TRNAU1AP: variants seen among roughly 807,000 people sequenced by gnomAD.
TRNAU1AP encodes the protein tRNA selenocysteine 1 associated protein 1, also known as tRNA selenocysteine 1-associated protein 1.
Under a neutral mutation model 43.3 loss-of-function variants are expected in TRNAU1AP, and 33 were observed. The observed-to-expected ratio is 0.76, with a 90% CI of 0.58 to 1.02. The LOEUF (loss-of-function observed/expected upper bound fraction) is 1.02. Ranked by LOEUF, TRNAU1AP falls within the 50% of genes least tolerant of loss-of-function variation. The pLI is 0.00. For missense variants in TRNAU1AP, 290 were observed against 362.7 expected (o/e 0.80, Z 1.63); for synonymous variants, 143 against 129.1 (o/e 1.11, Z -0.73).
chr1:28,572,870 G>A (rs1570258458), intron 8 of TRNAU1AP, among the ~76,000 whole-genome samples: 2 of 151,676 alleles, frequency 1.3e-5, no homozygotes, highest in Non-Finnish European at 2.9e-5. Context: ...GGGAGGCAGA[G>A]CTTGCAGTGA....
intron 7 of TRNAU1AP, 81 bp from the exon 8 acceptor site, chr1:28,571,786 A>AAAAAAAAAAAATAAAAATAAAAT: frequency 9.9e-7 from 1 of 1,008,582 alleles, no homozygotes; most frequent in South Asian, 1.3e-5. Flanking sequence ...CCACCTCAAA[A>AAAAAAAAAAAATAAAAATAAAAT]AAAATAAAAA....
chr1:28,569,984 G>A (rs1244781709), intron 6 of TRNAU1AP, among the ~76,000 whole-genome samples: 2 of 151,680 alleles, frequency 1.3e-5, no homozygotes, highest in Non-Finnish European at 2.9e-5. Flanking sequence ...CTGGGCGACA[G>A]AGCAAGACTC....
At chr1:28,568,517 T>G (rs1665589720) in intron 6 of TRNAU1AP, among the ~76,000 whole-genome samples, 1 of 152,204 alleles carries the variant, frequency 6.6e-6, no homozygotes, top group Admixed American at 6.6e-5. Context: ...TCAAGCAATC[T>G]GCCCACCTTG....
chr1:28,565,795 A>AAAAAAAG (rs58549501), intron 5 of TRNAU1AP: 44,265 of 150,626 alleles, frequency 0.29, 6,817 homozygotes, highest in Middle Eastern at 0.36. Context: ...TCAAATAAAA[A>AAAAAAAG]AAAAAAGAAA....
intron 2 of TRNAU1AP, among the ~76,000 whole-genome samples, chr1:28,554,977 G>T (rs2124183854): frequency 6.6e-6 from 1 of 152,184 alleles, no homozygotes; most frequent in South Asian, 2.1e-4. Context: ...GGTGCCTCAT[G>T]CCTGTAATCC....
At chr1:28,561,433 T>TGTGTCACTGTGC in intron 4 of TRNAU1AP, 35 bp downstream of exon 4, 1 of 1,612,544 alleles carries the variant, frequency 6.2e-7, no homozygotes, top group East Asian at 2.2e-5. Context: ...AGACATAAGA[T>TGTGTCACTGTGC]GTGTCACTGT....
intron 4 of TRNAU1AP, among the ~76,000 whole-genome samples, chr1:28,561,933 G>A (rs548467385): frequency 5.9e-5 from 9 of 152,288 alleles, no homozygotes; most frequent in East Asian, 3.9e-4. Flanking sequence ...TTAGCCGGGC[G>A]TGGTGGCAGG....
intron 6 of TRNAU1AP, among the ~76,000 whole-genome samples, chr1:28,570,365 A>ATT (rs1470339163): frequency 1.3e-5 from 2 of 151,884 alleles, no homozygotes; most frequent in African/African-American, 4.8e-5. Flanking sequence ...CTCCTGCCTC[A>ATT]GCTTCACAAG....
At position 28,560,793 on chromosome 1, in the gene TRNAU1AP, A is replaced by G. The variant is rs1665388842; in HGVS notation, c.225+61A>G. On this transcript the variant is annotated intron_variant, in intron 3 of 8. Coordinates refer to ENST00000373830, the MANE Select transcript of TRNAU1AP (RefSeq NM_017846.5). ...TTATTGTCATTGCTTACTACCATCT[A>G]TTGAATCCCTACTGTATACTTATTT... 3.0e-6 allele frequency: 4 copies of G among 1,334,814 alleles called. No homozygotes were observed. In the South Asian group the frequency reaches 3.6e-5, roughly 12 times the overall value. The allele number at this position is 1,334,814 out of a possible 1,614,324, so 82.7% of individuals were successfully genotyped here.
Position 28,553,157 on chromosome 1 carries a change from C to A in TRNAU1AP, c.27+20C>A. On this transcript the variant is annotated intron_variant, in intron 1 of 8. Coordinates refer to ENST00000373830, the MANE Select transcript of TRNAU1AP (RefSeq NM_017846.5). ...GGCGACGTGAGTGAGGGCAGCCGTC[C>A]GGGGTCTGAAGACAAGGAAGCATCT... The A allele has an allele frequency of 6.7e-7, 1 of 1,503,706 alleles. No homozygotes were observed. 93.1% of individuals were successfully genotyped at this position (1,503,706 alleles called of 1,614,324 possible).
chr1:28,561,037 C>G, intron 3 of TRNAU1AP: 1 of 1,345,410 alleles, frequency 7.4e-7, no homozygotes, highest in Non-Finnish European at 9.6e-7. Flanking sequence ...AGACCTCTTG[C>G]CTGATTGGGA....
At position 28,570,566 on chromosome 1, in the gene TRNAU1AP, T is replaced by G. The variant is rs2124211240; in HGVS notation, c.531-610T>G. On this transcript the variant is annotated intron_variant, in intron 6 of 8. Transcript: ENST00000373830. ...CCCAGCCCTTTTTTGTTTTGTTTTT[T>G]TTTTTAAACAGGATATCCTTTTGCC... Among the ~76,000 whole-genome samples the G allele has an allele frequency of 1.3e-5, 2 of 151,896 alleles. 1 individual carries two copies. Among genetic ancestry groups the G allele is most frequent in the Middle Eastern group, 6.8e-3 (2 of 294 alleles).
Position 28,563,189 on chromosome 1 carries a change from T to A in TRNAU1AP, c.279-1514T>A, listed in dbSNP as rs1665453488. 2.0e-5 allele frequency among the ~76,000 whole-genome samples: 3 copies of A among 151,600 alleles called. No individual in the cohort carries two copies. The South Asian group carries it at 6.3e-4, about 32-fold the overall frequency. On this transcript the variant is annotated intron_variant, in intron 4 of 8. Transcript: ENST00000373830. ...GATTACAGGCATGAGCCACTGCGCC[T>A]GGCCTTGTGTATTCTTATTATACAA...
At chr1:28,577,065 C>G (rs1286483065) in intron 8 of TRNAU1AP, among the ~76,000 whole-genome samples, 1 of 152,154 alleles carries the variant, frequency 6.6e-6, no homozygotes, top group African/African-American at 2.4e-5. Flanking sequence ...GACCCTTTCT[C>G]TAAAGTACAT....
chr1:28,561,041 A>T, intron 3 of TRNAU1AP: 1 of 1,347,072 alleles, frequency 7.4e-7, no homozygotes, highest in Non-Finnish European at 9.5e-7. Flanking sequence ...CTCTTGCCTG[A>T]TTGGGAAACT....
intron 2 of TRNAU1AP, chr1:28,554,128 G>A (rs987439326): frequency 3.1e-5 from 5 of 160,996 alleles, no homozygotes; most frequent in Admixed American, 3.1e-4. Flanking sequence ...AACCCGGGAG[G>A]CGAAGGTTGC....
intron 6 of TRNAU1AP, among the ~76,000 whole-genome samples, chr1:28,570,526 G>C (rs1665641947): frequency 6.6e-6 from 1 of 151,706 alleles, no homozygotes. Flanking sequence ...GGGATTACAG[G>C]TGTGAGCCAC....
chr1:28,561,910 A>C (rs1028174510), intron 4 of TRNAU1AP, among the ~76,000 whole-genome samples: 4 of 152,302 alleles, frequency 2.6e-5, no homozygotes, highest in African/African-American at 2.4e-5. Context: ...GTCTCTACTA[A>C]AAATACAACA....
intron 3 of TRNAU1AP, 137 bp downstream of exon 3, chr1:28,560,869 C>A: frequency 1.1e-6 from 1 of 885,234 alleles, no homozygotes; most frequent in Non-Finnish European, 1.7e-6. Flanking sequence ...TCTTTGTAGG[C>A]CCAGGAAACT....
Sources: allele counts gnomAD v4.1 joint callset (sites outside exome capture counted in the v4.1 genomes callset), GRCh38; gene constraint gnomAD v4.1.1; transcripts MANE v1.5; gene names NCBI Gene and HGNC (gene_info 2026-07-23, HGNC 2026-07-21).